Variants in ALDH1A2 observed in about 807,000 individuals in gnomAD.
ALDH1A2 encodes the protein aldehyde dehydrogenase 1 family member A2, also known as retinal dehydrogenase 2.
Under a neutral mutation model 60.3 loss-of-function variants are expected in ALDH1A2, and 27 were observed. The ratio of observed to expected loss-of-function variants is 0.45; its 90% CI spans 0.33 to 0.62. ALDH1A2 has a LOEUF of 0.62. Among genes scored for constraint, ALDH1A2 ranks in the 20% least tolerant of loss-of-function variants. ALDH1A2 has a pLI of 0.02. For missense variants in ALDH1A2, 581 were observed against 643.8 expected (o/e 0.90, Z 1.06); for synonymous variants, 289 against 232.4 (o/e 1.24, Z -2.21).
At chr15:57,969,327 AT>A (rs1389212872) in intron 7 of ALDH1A2, among the ~76,000 whole-genome samples, 5 of 152,222 alleles carry the variant, frequency 3.3e-5, no homozygotes, top group Non-Finnish European at 5.9e-5. Context: ...AGAAAAAAAA[AT>A]CTGGGTCTCA....
chr15:58,009,228 G>A (rs910395498), intron 4 of ALDH1A2, among the ~76,000 whole-genome samples: 5 of 151,884 alleles, frequency 3.3e-5, no homozygotes, highest in Non-Finnish European at 5.9e-5. Flanking sequence ...CACCTAACTT[G>A]GTTCTGCTGC....
chr15:57,973,552 G>T (rs184580706), intron 7 of ALDH1A2, among the ~76,000 whole-genome samples: 197 of 152,296 alleles, frequency 1.3e-3, no homozygotes, highest in African/African-American at 4.6e-3. Context: ...TAGAATAAAT[G>T]GATAAAGAAG....
At chr15:57,999,417 G>A (rs146689963) in intron 4 of ALDH1A2, among the ~76,000 whole-genome samples, 21 of 151,992 alleles carry the variant, frequency 1.4e-4, no homozygotes, top group African/African-American at 3.1e-4. Context: ...AGACAGTCAC[G>A]CAGCCAAAAA....
intron 1 of ALDH1A2, among the ~76,000 whole-genome samples, chr15:58,045,225 A>G (rs560224821): frequency 1.3e-5 from 2 of 152,220 alleles, no homozygotes; most frequent in East Asian, 3.9e-4. Flanking sequence ...AACGGCAATC[A>G]TTAAAAAGTC....
At chr15:58,050,780 A>G (rs192175746) in intron 1 of ALDH1A2, among the ~76,000 whole-genome samples, 2 of 152,336 alleles carry the variant, frequency 1.3e-5, no homozygotes, top group African/African-American at 4.8e-5. Flanking sequence ...TCTCATCACA[A>G]AAAAAGTAAA....
intron 1 of ALDH1A2, among the ~76,000 whole-genome samples, chr15:58,024,385 GAA>G (rs1257194037): frequency 1.3e-5 from 2 of 152,070 alleles, no homozygotes; most frequent in African/African-American, 4.8e-5. Context: ...GAAAAAAAGT[GAA>G]AAAAGATATT....
Position 57,960,754 on chromosome 15 carries a change from C to T in ALDH1A2, c.1484+16G>A. ...CAATCTATTTCTCTGCAGGCATCAG[C>T]AACTTTAAGACTTACATTTCTCTCC... On this transcript the variant is annotated intron_variant, in intron 12 of 12. Coordinates refer to ENST00000249750, the MANE Select transcript of ALDH1A2 (RefSeq NM_003888.4). 1 of 1,611,116 alleles carries T rather than the reference C, an allele frequency of 6.2e-7. No individual in the cohort carries two copies. The highest frequency in any genetic ancestry group is 8.5e-7 in the Non-Finnish European group (1 of 1,177,360).
chr15:57,998,692 G>GA (rs1217428818), intron 4 of ALDH1A2, among the ~76,000 whole-genome samples: 12 of 152,108 alleles, frequency 7.9e-5, no homozygotes, highest in African/African-American at 2.9e-4. Flanking sequence ...CACAGAATTA[G>GA]AAAAAATAAC....
intron 3 of ALDH1A2, among the ~76,000 whole-genome samples, chr15:58,010,989 A>G (rs1198773739): frequency 6.6e-6 from 1 of 152,184 alleles, no homozygotes; most frequent in Non-Finnish European, 1.5e-5. Flanking sequence ...ATATGTGCAT[A>G]TTCCTGTGCT....
intron 3 of ALDH1A2, 59 bp from the exon 4 acceptor site, chr15:58,010,837 T>C: frequency 6.3e-7 from 1 of 1,598,998 alleles, no homozygotes; most frequent in South Asian, 1.1e-5. Flanking sequence ...GATACACTAA[T>C]TTCTAGAGCA....
chr15:57,964,283 A>G (rs573894154), intron 8 of ALDH1A2: 33 of 576,066 alleles, frequency 5.7e-5, no homozygotes, highest in African/African-American at 5.6e-4. Context: ...TCTCTTTCTT[A>G]TTCTGCAAAC....
At chr15:58,042,059 A>C (rs770772341) in intron 1 of ALDH1A2, among the ~76,000 whole-genome samples, 14 of 151,958 alleles carry the variant, frequency 9.2e-5, no homozygotes, top group South Asian at 2.1e-4. Context: ...ATTTTTGGCG[A>C]GACACAAACA....
chr15:58,023,249 C>T (rs748236016), intron 1 of ALDH1A2, among the ~76,000 whole-genome samples: 1 of 152,066 alleles, frequency 6.6e-6, no homozygotes, highest in Non-Finnish European at 1.5e-5. Flanking sequence ...ATCTTCAAGA[C>T]AGGTCTTTTG....
intron 1 of ALDH1A2, among the ~76,000 whole-genome samples, chr15:58,027,012 G>A (rs1204638515): frequency 6.6e-6 from 1 of 152,196 alleles, no homozygotes; most frequent in African/African-American, 2.4e-5. Context: ...GGACAGCTCT[G>A]AAGACAGCAG....
At chr15:58,004,693 T>TTTTGTGTG (rs1895389628) in intron 4 of ALDH1A2, among the ~76,000 whole-genome samples, 1 of 137,056 alleles carries the variant, frequency 7.3e-6, no homozygotes, top group Non-Finnish European at 1.6e-5. Context: ...ATCCCATGAT[T>TTTTGTGTG]TGTGTGTGTG....
At position 57,955,148 on chromosome 15, in the gene ALDH1A2, A is replaced by G. The variant is rs746855023; in HGVS notation, c.*49T>C. 1.9e-5 allele frequency: 30 copies of G among 1,561,004 alleles called. No individual in the cohort carries two copies. The highest frequency in any genetic ancestry group is 2.4e-5 in the Non-Finnish European group (27 of 1,131,776). On this transcript the variant is annotated 3_prime_UTR_variant, in exon 13 of 13. Transcript: ENST00000249750. ...GAGAGCTGGGCCCTACAGAGAAAGC[A>G]GAGAGGGACAGACGTGCAGGCTGGG...
intron 1 of ALDH1A2, among the ~76,000 whole-genome samples, chr15:58,030,435 A>T (rs1339514851): frequency 6.6e-6 from 1 of 152,216 alleles, no homozygotes; most frequent in Admixed American, 6.5e-5. Flanking sequence ...CCAATATCAT[A>T]CTGAATGGGC....
intron 8 of ALDH1A2, chr15:57,964,480 A>G (rs1310935928): frequency 5.5e-6 from 1 of 182,062 alleles, no homozygotes; most frequent in African/African-American, 2.4e-5. Flanking sequence ...GATCCTCTCA[A>G]TTTTCACAGA....
At chr15:58,029,942 C>G (rs187253728) in intron 1 of ALDH1A2, among the ~76,000 whole-genome samples, 110 of 152,250 alleles carry the variant, frequency 7.2e-4, no homozygotes, top group Non-Finnish European at 1.4e-3. Context: ...CAGTGCAATT[C>G]TAACAGAGGT....
Sources: gnomAD v4.1 joint callset for allele counts (sites outside exome capture counted in the v4.1 genomes callset) on GRCh38, gnomAD v4.1.1 for gene constraint, MANE v1.5 for transcripts, NCBI Gene and HGNC (gene_info 2026-07-23, HGNC 2026-07-21) for gene names.